RBMS2: variants seen among roughly 807,000 people sequenced by gnomAD.
RBMS2 encodes the protein RNA binding motif single stranded interacting protein 2.
Under a neutral mutation model 58.4 loss-of-function variants are expected in RBMS2, and 38 were observed. The observed-to-expected ratio is 0.65, with a 90% CI of 0.50 to 0.85. RBMS2 has a LOEUF of 0.85. Ranked by LOEUF, RBMS2 falls within the 40% of genes least tolerant of loss-of-function variation. The probability of loss-of-function intolerance (pLI) is 0.00; values close to 1 mark genes in which losing one functional copy is unlikely to be tolerated. For synonymous variants in RBMS2, 151 were observed against 180.7 expected (o/e 0.84, Z 1.32); for missense variants, 367 against 503.7 (o/e 0.73, Z 2.60).
At chr12:56,554,890 G>T (rs1878947485) in intron 1 of RBMS2, among the ~76,000 whole-genome samples, 1 of 151,952 alleles carries the variant, frequency 6.6e-6, no homozygotes, top group Non-Finnish European at 1.5e-5. Flanking sequence ...GGCTTACATG[G>T]TACTCCTTTT....
rs961841167 is a variant in RBMS2, at chr12:56,578,175, C to T, written c.543-3009C>T. 2.6e-5 allele frequency among the ~76,000 whole-genome samples: 4 copies of T among 152,022 alleles called. No homozygotes were observed. In the East Asian group the frequency reaches 5.8e-4, roughly 22 times the overall value. Reference sequence around the variant, plus strand: ...ATGGCGTCTCGCTCTGTTGCCCAGGCTGGATTACAGTGGTGTGATCTCAGC... The same window carrying T: ...ATGGCGTCTCGCTCTGTTGCCCAGGTTGGATTACAGTGGTGTGATCTCAGC... On this transcript the variant is annotated intron_variant, in intron 5 of 13. Transcript: ENST00000262031.
At chr12:56,548,916 T>C (rs1018253697) in intron 1 of RBMS2, among the ~76,000 whole-genome samples, 2 of 152,128 alleles carry the variant, frequency 1.3e-5, no homozygotes, top group African/African-American at 2.4e-5. Flanking sequence ...TGATGGCAAA[T>C]GAATGGATAC....
chr12:56,592,211 ACT>A lies in RBMS2; in HGVS notation c.*3083_*3084del. 6.6e-6 allele frequency: 1 copy of A among 152,142 alleles called. No individual in the cohort carries two copies. The highest frequency in any genetic ancestry group is 2.1e-4 in the South Asian group (1 of 4,814). The allele number at this position is 152,142 out of a possible 1,614,324, so 9.4% of individuals were successfully genotyped here. On this transcript the variant is annotated 3_prime_UTR_variant, in exon 14 of 14. Coordinates refer to ENST00000262031, the MANE Select transcript of RBMS2 (RefSeq NM_002898.4). ...GCTGTCTTCATGGAGCCCAGCTCTT[ACT>A]CTCTTTGTACTTTACATCTCACCCC...
chr12:56,588,159 T>C (rs1418912741), intron 11 of RBMS2, 135 bp from the exon 12 acceptor site: 2 of 699,572 alleles, frequency 2.9e-6, no homozygotes, highest in Non-Finnish European at 4.9e-6. Flanking sequence ...GCTTTTAAGA[T>C]GCAAATGCTC....
chr12:56,580,061 C>G (rs1883707145), intron 5 of RBMS2, among the ~76,000 whole-genome samples: 1 of 151,886 alleles, frequency 6.6e-6, no homozygotes, highest in Non-Finnish European at 1.5e-5. Flanking sequence ...TCCCGAGTAG[C>G]TGGGACTACT....
At chr12:56,579,015 T>C (rs1424009448) in intron 5 of RBMS2, among the ~76,000 whole-genome samples, 1 of 152,132 alleles carries the variant, frequency 6.6e-6, no homozygotes, top group Non-Finnish European at 1.5e-5. Flanking sequence ...ACCAAGGTGT[T>C]CTGTCATCAA....
At chr12:56,564,282 T>A (rs940949710) in intron 2 of RBMS2, among the ~76,000 whole-genome samples, 1 of 152,036 alleles carries the variant, frequency 6.6e-6, no homozygotes, top group African/African-American at 2.4e-5. Context: ...TACCATATAT[T>A]CGTTCCTCAG....
At position 56,589,188 on chromosome 12, in the gene RBMS2, T is replaced by G. The variant is rs946005183; in HGVS notation, c.*55T>G. On this transcript the variant is annotated 3_prime_UTR_variant, in exon 14 of 14. Transcript: ENST00000262031. ...AATAGAAATGAATTCTTGGAGATAC[T>G]CATGCTCCCAGATTCCAGAGGGTTA... is the stretch of plus-strand genomic sequence containing the variant. 6.5e-7 allele frequency: 1 copy of G among 1,528,074 alleles called. No individual in the cohort carries two copies. Among genetic ancestry groups the G allele is most frequent in the Non-Finnish European group, 8.8e-7 (1 of 1,134,630 alleles). The allele number at this position is 1,528,074 out of a possible 1,614,324, so 94.7% of individuals were successfully genotyped here. A position where few individuals can be genotyped will look rare whatever the true frequency, so the allele number is the denominator to read the frequency against.
chr12:56,546,015 C>T (rs1229574394), intron 1 of RBMS2, among the ~76,000 whole-genome samples: 2 of 149,696 alleles, frequency 1.3e-5, no homozygotes, highest in Non-Finnish European at 3.0e-5. Context: ...TGGCTCACTG[C>T]AATCTCTGCC....
chr12:56,534,866 C>T (rs189957470), intron 1 of RBMS2, among the ~76,000 whole-genome samples: 2,179 of 152,266 alleles, frequency 0.014, 20 homozygotes, highest in Non-Finnish European at 0.02. Context: ...TGGTCTCGAT[C>T]TCCTGACCTC....
At chr12:56,521,229 G>C (rs530332462), upstream of RBMS2, among the ~76,000 whole-genome samples, 10 of 152,162 alleles carry the variant, frequency 6.6e-5, 2 homozygotes, top group South Asian at 2.1e-3. Context: ...AGGAGTTCGA[G>C]ACCAGCCTGG....
intron 1 of RBMS2, among the ~76,000 whole-genome samples, chr12:56,550,854 A>T (rs1292852843): frequency 1.6e-4 from 24 of 151,724 alleles, no homozygotes; most frequent in Non-Finnish European, 3.1e-4. Context: ...AAAAATAAAT[A>T]AATAAATAAA....
chr12:56,580,034 ATTC>A (rs1279003853), intron 5 of RBMS2, among the ~76,000 whole-genome samples: 1 of 151,742 alleles, frequency 6.6e-6, no homozygotes, highest in Non-Finnish European at 1.5e-5. Flanking sequence ...GGTTCAAGCA[ATTC>A]TTCTCCCTCA....
At position 56,589,127 on chromosome 12, in the gene RBMS2, G is replaced by T; in HGVS notation, c.*7-13G>T. ...GTTTGTCTTGTCTCCTCTCTGGCTT[G>T]TGCCTTCTTTAGGATTCCCCTCCCC... is the stretch of plus-strand genomic sequence containing the variant. On this transcript the variant is annotated splice_polypyrimidine_tract_variant and intron_variant, in intron 13 of 13. Transcript: ENST00000262031. 1 of 1,573,378 alleles carries T rather than the reference G, an allele frequency of 6.4e-7. No homozygotes were observed. The highest frequency in any genetic ancestry group is 8.6e-7 in the Non-Finnish European group (1 of 1,159,034).
upstream of RBMS2, among the ~76,000 whole-genome samples, chr12:56,521,502 G>GTTT (rs68129205): frequency 0.11 from 8,072 of 73,160 alleles, 785 homozygotes; most frequent in Non-Finnish European, 0.14. Flanking sequence ...CTCTAACTCT[G>GTTT]TTTTTTTTTT....
chr12:56,556,034 G>A (rs1176626912), intron 1 of RBMS2, among the ~76,000 whole-genome samples: 1 of 149,614 alleles, frequency 6.7e-6, no homozygotes, highest in Admixed American at 6.7e-5. Flanking sequence ...GACAGAGCTA[G>A]ACTCTGTGTC....
intron 5 of RBMS2, among the ~76,000 whole-genome samples, chr12:56,575,430 C>G (rs1882966965): frequency 6.6e-6 from 1 of 151,846 alleles, no homozygotes; most frequent in Non-Finnish European, 1.5e-5. Flanking sequence ...GAGTGAGACC[C>G]TGTCTCAATA....
At chr12:56,562,386 CCTT>C in intron 1 of RBMS2, 28 bp from the exon 2 acceptor site, 1 of 1,565,540 alleles carries the variant, frequency 6.4e-7, no homozygotes, top group Non-Finnish European at 8.8e-7. Context: ...AATGGATAAT[CCTT>C]CTACCTCTTC....
At chr12:56,534,991 G>T (rs1353454804) in intron 1 of RBMS2, among the ~76,000 whole-genome samples, 1 of 152,042 alleles carries the variant, frequency 6.6e-6, no homozygotes. Context: ...GACAACACTT[G>T]ATACAATTGA....
Sources: allele counts gnomAD v4.1 joint callset (sites outside exome capture counted in the v4.1 genomes callset), GRCh38; gene constraint gnomAD v4.1.1; transcripts MANE v1.5; gene names NCBI Gene and HGNC (gene_info 2026-07-23, HGNC 2026-07-21).